The following CCDC73 variants were observed in gnomAD, a reference collection of about 807,000 sequenced individuals.
The protein encoded by CCDC73 is coiled-coil domain-containing protein 73.
Under a neutral mutation model 116.5 loss-of-function variants are expected in CCDC73, and 95 were observed. That is an observed-to-expected ratio of 0.82 (90% confidence interval 0.69 to 0.97). The LOEUF is 0.97. CCDC73 is among the 50% of genes least tolerant of loss of function. The pLI is 0.00. For synonymous variants in CCDC73, 398 were observed against 401.3 expected (o/e 0.99, Z 0.10); for missense variants, 1,066 against 1,206.8 (o/e 0.88, Z 1.73).
At chr11:32,778,958 A>C (rs1033356393) in intron 1 of CCDC73, among the ~76,000 whole-genome samples, 1 of 152,212 alleles carries the variant, frequency 6.6e-6, no homozygotes, top group Non-Finnish European at 1.5e-5. Context: ...TTATGGAAGG[A>C]GCAAATAAGC....
At chr11:32,608,373 G>A (rs780427535) in intron 17 of CCDC73, among the ~76,000 whole-genome samples, 2 of 152,160 alleles carry the variant, frequency 1.3e-5, no homozygotes, top group Non-Finnish European at 2.9e-5. Context: ...TTCCAAATGG[G>A]AGAAATTGGC....
intron 7 of CCDC73, among the ~76,000 whole-genome samples, chr11:32,679,626 A>G (rs554523192): frequency 6.6e-5 from 10 of 152,280 alleles, no homozygotes; most frequent in African/African-American, 2.4e-4. Context: ...GGCCTCCCAA[A>G]GTGCTAGGAT....
the CCDC73 span, among the ~76,000 whole-genome samples, chr11:32,818,900 G>A: frequency 2.0e-5 from 3 of 152,146 alleles, no homozygotes; most frequent in Non-Finnish European, 4.4e-5. Context: ...GGTTGCCAGG[G>A]GCTGGGGGAA....
chr11:32,687,825 T>C (rs1001516444), intron 6 of CCDC73, among the ~76,000 whole-genome samples: 5 of 152,136 alleles, frequency 3.3e-5, no homozygotes, highest in African/African-American at 1.2e-4. Flanking sequence ...AAATGGTTTT[T>C]TCCAGGGCAA....
At chr11:32,633,994 A>T (rs1306830601) in intron 14 of CCDC73, among the ~76,000 whole-genome samples, 1 of 152,210 alleles carries the variant, frequency 6.6e-6, no homozygotes, top group Admixed American at 6.5e-5. Flanking sequence ...GCACACCAAC[A>T]TAAGAAGAAA....
chr11:32,687,015 A>G (rs538676394), intron 6 of CCDC73, among the ~76,000 whole-genome samples: 10 of 152,334 alleles, frequency 6.6e-5, no homozygotes, highest in African/African-American at 2.2e-4. Flanking sequence ...ATGGAAAATT[A>G]TAAGAAAAGC....
At chr11:32,758,591 C>G in intron 2 of CCDC73, 1 of 423,494 alleles carries the variant, frequency 2.4e-6, no homozygotes. Context: ...GTTGAAGGCA[C>G]AAGCACAGAG....
At chr11:32,635,862 T>C in intron 13 of CCDC73, 32 bp from the exon 14 acceptor site, 2 of 1,037,008 alleles carry the variant, frequency 1.9e-6, no homozygotes, top group Non-Finnish European at 2.5e-6. Context: ...AATAAACAAG[T>C]ATATCAAGTA....
At chr11:32,675,803 T>C (rs187087962) in intron 8 of CCDC73, 83 bp downstream of exon 8, 11 of 1,284,672 alleles carry the variant, frequency 8.6e-6, no homozygotes, top group East Asian at 2.4e-5. Flanking sequence ...AGTATTATCA[T>C]AGATATTCAA....
chr11:32,784,602 C>T (rs144064158), intron 1 of CCDC73, among the ~76,000 whole-genome samples: 65 of 152,274 alleles, frequency 4.3e-4, no homozygotes, highest in African/African-American at 1.4e-3. Context: ...GTATCATTTA[C>T]AAACATACTA....
At chr11:32,722,548 T>A (rs1213461244) in intron 2 of CCDC73, among the ~76,000 whole-genome samples, 2 of 152,224 alleles carry the variant, frequency 1.3e-5, no homozygotes, top group East Asian at 1.9e-4. Flanking sequence ...ACAAGATACA[T>A]AAATGAGGAG....
chr11:32,727,859 T>C (rs1850042246), intron 2 of CCDC73, among the ~76,000 whole-genome samples: 1 of 151,878 alleles, frequency 6.6e-6, no homozygotes, highest in South Asian at 2.1e-4. Context: ...TGTGAGCCAC[T>C]GTGCCTGGCC....
intron 16 of CCDC73, among the ~76,000 whole-genome samples, chr11:32,611,738 A>T (rs550909596): frequency 1.3e-5 from 2 of 152,224 alleles, no homozygotes; most frequent in African/African-American, 4.8e-5. Flanking sequence ...AAGGGGTCAC[A>T]TTGGGCTTTA....
intron 2 of CCDC73, among the ~76,000 whole-genome samples, chr11:32,729,378 C>A (rs1278468730): frequency 6.6e-6 from 1 of 152,194 alleles, no homozygotes; most frequent in African/African-American, 2.4e-5. Context: ...GCATAATATT[C>A]CATGGTGTGT....
At chr11:32,789,976 A>G (rs1202647762) in intron 1 of CCDC73, among the ~76,000 whole-genome samples, 1 of 152,236 alleles carries the variant, frequency 6.6e-6, no homozygotes, top group African/African-American at 2.4e-5. Flanking sequence ...AGACATTAGT[A>G]AAATGAAAAA....
In CCDC73 at chr11:32,772,029, A is replaced by C. The variant is rs532833635; in HGVS notation, c.-15-11771T>G. Reference sequence around the variant, plus strand: ...CCCAGCTGGGGCTAACCCCCACAACAATCTACAAACTCAGGTGCAGTTGCA... The same window carrying C: ...CCCAGCTGGGGCTAACCCCCACAACCATCTACAAACTCAGGTGCAGTTGCA... On this transcript the variant is annotated intron_variant, in intron 1 of 17. Coordinates refer to ENST00000335185, the MANE Select transcript of CCDC73 (RefSeq NM_001008391.4). Among the ~76,000 whole-genome samples the C allele has an allele frequency of 1.1e-3, 161 of 152,336 alleles. 4 individuals carry two copies. The South Asian group carries it at 0.033, about 31-fold the overall frequency.
chr11:32,732,670 A>G (rs1050767231), intron 2 of CCDC73, among the ~76,000 whole-genome samples: 60 of 152,190 alleles, frequency 3.9e-4, no homozygotes, highest in African/African-American at 1.0e-3. Flanking sequence ...GCCAAACTAA[A>G]CTTCATAAGT....
At chr11:32,808,086 A>G in the CCDC73 span, among the ~76,000 whole-genome samples, 1 of 152,206 alleles carries the variant, frequency 6.6e-6, no homozygotes, top group Non-Finnish European at 1.5e-5. Flanking sequence ...AATTAAAAGC[A>G]TGTGTACAAC....
chr11:32,626,693 C>A (rs1855577332), intron 14 of CCDC73, among the ~76,000 whole-genome samples: 1 of 152,162 alleles, frequency 6.6e-6, no homozygotes, highest in South Asian at 2.1e-4. Context: ...ACTATCTGAT[C>A]TTTGACAAAC....
Sources: gnomAD v4.1 joint callset for allele counts (sites outside exome capture counted in the v4.1 genomes callset) on GRCh38, gnomAD v4.1.1 for gene constraint, MANE v1.5 for transcripts, NCBI Gene and HGNC (gene_info 2026-07-23, HGNC 2026-07-21) for gene names.